The following DPP6 variants were observed in gnomAD, a reference collection of about 807,000 sequenced individuals.
The protein encoded by DPP6 is A-type potassium channel modulatory protein DPP6.
Under a neutral mutation model 122.6 loss-of-function variants are expected in DPP6, and 69 were observed. That is an observed-to-expected ratio of 0.56 (90% CI 0.46 to 0.69). The LOEUF (loss-of-function observed/expected upper bound fraction) is 0.69, where lower values mean the gene tolerates loss of function less well. Ranked by LOEUF, DPP6 falls within the 30% of genes least tolerant of loss-of-function variation. The pLI is 0.00. For missense variants in DPP6, 928 were observed against 1,116.9 expected, an observed-to-expected ratio of 0.83 and a Z score of 2.41; for synonymous variants, 418 against 433.1, an observed-to-expected ratio of 0.97 and a Z score of 0.43.
At chr7:154,794,868 A>C (rs1322150204) in intron 11 of DPP6, among the ~76,000 whole-genome samples, 1 of 2,400 alleles carries the variant, frequency 4.2e-4, no homozygotes, top group African/African-American at 1.9e-3. Flanking sequence ...AATAATATCG[A>C]TTAATACATT....
intron 1 of DPP6, among the ~76,000 whole-genome samples, chr7:154,064,941 C>T (rs1430803312): frequency 6.6e-6 from 1 of 152,138 alleles, no homozygotes; most frequent in Non-Finnish European, 1.5e-5. Flanking sequence ...TTCTGCAGAC[C>T]TTGCAGCGTC....
intron 1 of DPP6, among the ~76,000 whole-genome samples, chr7:154,278,256 C>T (rs1461230401): frequency 6.6e-6 from 1 of 152,200 alleles, no homozygotes; most frequent in Non-Finnish European, 1.5e-5. Context: ...CAGCGACCAA[C>T]TTGCTAAGTC....
chr7:154,482,367 G>T (rs543447356), intron 3 of DPP6, among the ~76,000 whole-genome samples: 1 of 152,114 alleles, frequency 6.6e-6, no homozygotes, highest in South Asian at 2.1e-4. Flanking sequence ...GGCACTGAAG[G>T]TTTTAGAATA....
intron 16 of DPP6, among the ~76,000 whole-genome samples, chr7:154,807,421 A>G (rs1454962182): frequency 6.6e-6 from 1 of 152,208 alleles, no homozygotes; most frequent in Non-Finnish European, 1.5e-5. Context: ...TAGTCCCATG[A>G]GCTAGGAAGG....
chr7:154,489,618 T>C (rs1239483147), intron 3 of DPP6, among the ~76,000 whole-genome samples: 6 of 152,288 alleles, frequency 3.9e-5, no homozygotes, highest in Admixed American at 1.3e-4. Context: ...GAGTGCTCCC[T>C]GGAACCCAGC....
intron 8 of DPP6, among the ~76,000 whole-genome samples, chr7:154,746,009 AG>A (rs1423252207): frequency 1.3e-5 from 2 of 152,114 alleles, no homozygotes; most frequent in African/African-American, 4.8e-5. Context: ...CATCAAAGCT[AG>A]GGTGTTGATT....
chr7:153,932,303 T>G (rs1296055873), intron 1 of DPP6, among the ~76,000 whole-genome samples: 2 of 152,084 alleles, frequency 1.3e-5, no homozygotes, highest in Admixed American at 1.3e-4. Context: ...GTATTTTTAG[T>G]AGACACGGGG....
At chr7:154,583,131 C>G (rs1832191629) in intron 5 of DPP6, among the ~76,000 whole-genome samples, 1 of 152,226 alleles carries the variant, frequency 6.6e-6, no homozygotes, top group Admixed American at 6.5e-5. Context: ...TCTTCTCGCC[C>G]TGGAATTCAC....
At chr7:154,455,256 T>C (rs1194824647) in intron 2 of DPP6, among the ~76,000 whole-genome samples, 1 of 152,198 alleles carries the variant, frequency 6.6e-6, no homozygotes, top group Non-Finnish European at 1.5e-5. Flanking sequence ...GCTTATTTGC[T>C]GTAACCATAT....
chr7:154,231,378 C>T (rs1037427727), intron 1 of DPP6, among the ~76,000 whole-genome samples: 1 of 152,072 alleles, frequency 6.6e-6, no homozygotes, highest in African/African-American at 2.4e-5. Context: ...GGCATTCAGT[C>T]CAAGTTTTGT....
chr7:154,035,957 A>G (rs979037382), intron 1 of DPP6, among the ~76,000 whole-genome samples: 2 of 152,002 alleles, frequency 1.3e-5, no homozygotes, highest in Non-Finnish European at 2.9e-5. Flanking sequence ...GACTAAGCCC[A>G]GTGAAAGGAG....
chr7:153,866,296 A>G, the DPP6 span, among the ~76,000 whole-genome samples: 2 of 152,126 alleles, frequency 1.3e-5, no homozygotes, highest in African/African-American at 4.8e-5. Context: ...CTATTTCTCT[A>G]CATCCTCTCC....
At chr7:154,381,524 CA>C (rs565654471) in intron 1 of DPP6, among the ~76,000 whole-genome samples, 2 of 152,032 alleles carry the variant, frequency 1.3e-5, no homozygotes, top group Non-Finnish European at 2.9e-5. Context: ...TAATGTATGA[CA>C]AAAGTTTCAT....
intron 16 of DPP6, among the ~76,000 whole-genome samples, chr7:154,848,817 G>A (rs749217679): frequency 4.0e-5 from 6 of 151,448 alleles, no homozygotes; most frequent in Non-Finnish European, 8.8e-5. Flanking sequence ...GTCTTTAATC[G>A]ATTTTGAGTT....
At chr7:153,763,139 T>C in the DPP6 span, among the ~76,000 whole-genome samples, 2 of 152,290 alleles carry the variant, frequency 1.3e-5, no homozygotes, top group Admixed American at 1.3e-4. Context: ...CTCACTTTCC[T>C]GATGCAGTCA....
At chr7:154,121,978 T>C (rs1220582590) in intron 1 of DPP6, among the ~76,000 whole-genome samples, 2 of 152,246 alleles carry the variant, frequency 1.3e-5, no homozygotes, top group African/African-American at 2.4e-5. Context: ...TGACTACATT[T>C]CTCACAATTA....
chr7:154,792,326 T>A (rs1277952978), intron 10 of DPP6, among the ~76,000 whole-genome samples: 1 of 152,268 alleles, frequency 6.6e-6, no homozygotes, highest in East Asian at 1.9e-4. Context: ...GCAGTTTCCC[T>A]GCACACGCTT....
intron 1 of DPP6, among the ~76,000 whole-genome samples, chr7:154,150,066 C>T (rs916456770): frequency 9.2e-5 from 14 of 152,206 alleles, no homozygotes; most frequent in Non-Finnish European, 1.5e-4. Flanking sequence ...AGCAAACTGT[C>T]CAGAGAAGGG....
chr7:154,173,638 G>A (rs552642168), intron 1 of DPP6, among the ~76,000 whole-genome samples: 1 of 152,042 alleles, frequency 6.6e-6, no homozygotes, highest in African/African-American at 2.4e-5. Flanking sequence ...CTTTGCTGCT[G>A]ACCAGCTGTG....
Sources: allele counts gnomAD v4.1 joint callset (sites outside exome capture counted in the v4.1 genomes callset), GRCh38; gene constraint gnomAD v4.1.1; transcripts MANE v1.5; gene names NCBI Gene and HGNC (gene_info 2026-07-23, HGNC 2026-07-21).